Variants in RTN1 observed in about 807,000 individuals in gnomAD.
The protein encoded by RTN1 is reticulon-1.
A neutral mutation model predicts 65.5 loss-of-function variants in RTN1; 25 were observed. The ratio of observed to expected loss-of-function variants is 0.38; its 90% CI spans 0.28 to 0.53. The LOEUF (loss-of-function observed/expected upper bound fraction) is 0.53, where lower values mean the gene tolerates loss of function less well. Among genes scored for constraint, RTN1 ranks in the 20% least tolerant of loss-of-function variants. The probability of loss-of-function intolerance (pLI) is 0.79; values close to 1 mark genes in which losing one functional copy is unlikely to be tolerated. For synonymous variants in RTN1, 471 were observed against 447.6 expected (o/e 1.05, Z -0.66); for missense variants, 983 against 1,025.4 (o/e 0.96, Z 0.57).
intron 8 of RTN1, among the ~76,000 whole-genome samples, chr14:59,598,438 G>A (rs1881475681): frequency 6.6e-6 from 1 of 152,172 alleles, no homozygotes; most frequent in Admixed American, 6.5e-5. Context: ...ACACTTTAGA[G>A]AAACCTTACA....
At chr14:59,834,700 A>G (rs868372050) in intron 1 of RTN1, among the ~76,000 whole-genome samples, 1 of 152,220 alleles carries the variant, frequency 6.6e-6, no homozygotes, top group Admixed American at 6.5e-5. Flanking sequence ...ACATATAGCT[A>G]GCAAAGAAGA....
chr14:59,628,461 TCA>T (rs1198090217), intron 3 of RTN1, among the ~76,000 whole-genome samples: 3 of 152,162 alleles, frequency 2.0e-5, no homozygotes, highest in Non-Finnish European at 4.4e-5. Flanking sequence ...TTAAAAGTTC[TCA>T]CAGTGAGGAG....
intron 3 of RTN1, among the ~76,000 whole-genome samples, chr14:59,712,150 G>T (rs1338246523): frequency 6.6e-6 from 1 of 152,146 alleles, no homozygotes; most frequent in African/African-American, 2.4e-5. Flanking sequence ...CTGTAGTATG[G>T]CCTAACAGAG....
intron 1 of RTN1, among the ~76,000 whole-genome samples, chr14:59,869,504 G>T (rs1566754033): frequency 6.7e-6 from 1 of 149,518 alleles, no homozygotes; most frequent in Non-Finnish European, 1.5e-5. Context: ...CTGGGCTCCC[G>T]CTGGACACTG....
At chr14:59,740,285 G>T (rs1476879928) in intron 2 of RTN1, among the ~76,000 whole-genome samples, 1 of 152,146 alleles carries the variant, frequency 6.6e-6, no homozygotes, top group Non-Finnish European at 1.5e-5. Flanking sequence ...TCTTATTCAA[G>T]TGTGTAGCTC....
chr14:59,706,155 T>C lies in RTN1; in HGVS notation c.1765+20764A>G, dbSNP rs952602145. Reference sequence around the variant, plus strand: ...GACATTTCACCTATTCTCTCAACTATTCTTCTTTACCTGCATAAGACAAAC... The same window carrying C: ...GACATTTCACCTATTCTCTCAACTACTCTTCTTTACCTGCATAAGACAAAC... On this transcript the variant is annotated intron_variant, in intron 3 of 8. Coordinates refer to ENST00000267484, the MANE Select transcript of RTN1 (RefSeq NM_021136.3). 3.3e-5 allele frequency among the ~76,000 whole-genome samples: 5 copies of C among 152,308 alleles called. No individual in the cohort carries two copies. The South Asian group carries it at 1.0e-3, about 32-fold the overall frequency.
chr14:59,756,143 T>A (rs1035532012), intron 1 of RTN1, among the ~76,000 whole-genome samples: 3 of 152,176 alleles, frequency 2.0e-5, no homozygotes, highest in Non-Finnish European at 4.4e-5. Context: ...AGTAGTGCCT[T>A]GGAAAGCATA....
intron 8 of RTN1, among the ~76,000 whole-genome samples, chr14:59,601,977 G>A (rs1243578271): frequency 6.6e-6 from 1 of 152,076 alleles, no homozygotes; most frequent in Non-Finnish European, 1.5e-5. Flanking sequence ...ATACGTTCAG[G>A]CATTTTGAAA....
chr14:59,840,731 C>A (rs959917603), intron 1 of RTN1, among the ~76,000 whole-genome samples: 6 of 152,122 alleles, frequency 3.9e-5, no homozygotes, highest in Admixed American at 1.3e-4. Context: ...TTTTGGGGAA[C>A]CTTAGCAATA....
intron 3 of RTN1, among the ~76,000 whole-genome samples, chr14:59,702,133 A>C (rs563124621): frequency 1.8e-4 from 28 of 152,324 alleles, no homozygotes; most frequent in Non-Finnish European, 2.8e-4. Context: ...ATAATTAACA[A>C]TGGAGTTTAT....
chr14:59,714,779 C>T (rs184262314), intron 3 of RTN1, among the ~76,000 whole-genome samples: 20 of 152,306 alleles, frequency 1.3e-4, no homozygotes, highest in Admixed American at 1.2e-3. Flanking sequence ...TATAAACTAG[C>T]AGGTCCCCAA....
intron 1 of RTN1, among the ~76,000 whole-genome samples, chr14:59,814,783 G>A (rs566282645): frequency 1.3e-5 from 2 of 152,294 alleles, no homozygotes; most frequent in South Asian, 2.1e-4. Flanking sequence ...AATGTACACA[G>A]AATGTATAAA....
At chr14:59,827,755 T>C (rs1242736266) in intron 1 of RTN1, among the ~76,000 whole-genome samples, 1 of 152,180 alleles carries the variant, frequency 6.6e-6, no homozygotes, top group Non-Finnish European at 1.5e-5. Context: ...CCCAAGTCAC[T>C]TATAATAGCC....
chr14:59,636,149 C>T (rs931048427), intron 3 of RTN1, among the ~76,000 whole-genome samples: 3 of 152,028 alleles, frequency 2.0e-5, no homozygotes, highest in Admixed American at 2.0e-4. Flanking sequence ...AATGCTATAC[C>T]GAGTGATGTG....
chr14:59,787,702 G>A (rs1242841933), intron 1 of RTN1, among the ~76,000 whole-genome samples: 1 of 152,158 alleles, frequency 6.6e-6, no homozygotes, highest in East Asian at 1.9e-4. Context: ...GTGGGGAAGA[G>A]GCTGGTGGCA....
In RTN1 at chr14:59,829,412, G is replaced by A. The variant is rs1403027859; in HGVS notation, c.241+40978C>T. On this transcript the variant is annotated intron_variant, in intron 1 of 8. Coordinates refer to ENST00000267484, the MANE Select transcript of RTN1 (RefSeq NM_021136.3). The surrounding 1 kb of genome is among the most constrained non-coding windows in gnomAD (Gnocchi z 4.3). ...TATTAGTCAAAATAGAATAGTTAAT[G>A]CTGAGGTGACCCCAAAATCTCAGTG... 6.6e-6 allele frequency among the ~76,000 whole-genome samples: 1 copy of A among 152,182 alleles called. No homozygotes were observed. Among genetic ancestry groups the A allele is most frequent in the African/African-American group, 2.4e-5 (1 of 41,432 alleles).
At chr14:59,863,824 T>A (rs923716838) in intron 1 of RTN1, among the ~76,000 whole-genome samples, 1 of 152,230 alleles carries the variant, frequency 6.6e-6, no homozygotes, top group Admixed American at 6.5e-5. Context: ...AATAACAACT[T>A]CATTCTTGTG....
At chr14:59,607,153 G>T in intron 4 of RTN1, 132 bp downstream of exon 4, 1 of 692,106 alleles carries the variant, frequency 1.4e-6, no homozygotes, top group Non-Finnish European at 2.5e-6. Flanking sequence ...CAAAGACAGG[G>T]TGTTAGGGGA....
rs930571507 is a variant in RTN1, at chr14:59,825,569, G to A, written c.241+44821C>T. On this transcript the variant is annotated intron_variant, in intron 1 of 8. Transcript: ENST00000267484. This position sits in a 1 kb window ranked among gnomAD's most constrained non-coding sequence, Gnocchi z 4.2. ...AAGGCGGCTGTGTCCTGGCTTTCTG[G>A]ACTTCCAGCTGGCCACAGCAGGGCC... 6.6e-6 allele frequency among the ~76,000 whole-genome samples: 1 copy of A among 152,220 alleles called. No individual in the cohort carries two copies. Among genetic ancestry groups the A allele is most frequent in the African/African-American group, 2.4e-5 (1 of 41,450 alleles).
Sources: gnomAD v4.1 joint callset for allele counts (sites outside exome capture counted in the v4.1 genomes callset) on GRCh38, gnomAD v4.1.1 for gene constraint, Gnocchi (gnomAD v3.1) non-coding constraint, MANE v1.5 for transcripts, NCBI Gene and HGNC (gene_info 2026-07-23, HGNC 2026-07-21) for gene names.